Variants in ALK observed in about 807,000 individuals in gnomAD.
ALK encodes the protein ALK receptor tyrosine kinase.
A neutral mutation model predicts 163.1 loss-of-function variants in ALK; 74 were observed. The observed-to-expected ratio is 0.45, with a 90% CI of 0.38 to 0.55. The LOEUF (loss-of-function observed/expected upper bound fraction) is 0.55, where lower values mean the gene tolerates loss of function less well. Among genes scored for constraint, ALK ranks in the 20% least tolerant of loss-of-function variants. The pLI is 0.00. For synonymous variants in ALK, 960 were observed against 843.2 expected, an observed-to-expected ratio of 1.14 and a Z score of -2.40; for missense variants, 2,063 against 2,105.3, an observed-to-expected ratio of 0.98 and a Z score of 0.39.
Position 29,251,151 on chromosome 2 carries a change from G to T in ALK, c.2158C>A (p.Leu720Met), listed in dbSNP as rs774579604. Reference protein sequence around the residue: ...LSVEVGSEGPLKGIQIWKVPA... With the variant: ...LSVEVGSEGPMKGIQIWKVPA... ...ACCTTCCAGATCTGGATGCCTTTCA[G>T]GGGGCCCTCGCTCCCCACCTCCACG... Residue 720 changes from leucine (L) to methionine (M), a missense_variant, in exon 12 of 29, where the codon CTG becomes ATG. Physicochemically the swap from Leu to Met is conservative, Grantham distance 15. Around this residue, in one of 5 missense-constraint regions of ALK, gnomAD observed 987 missense variants for 939.5 expected, o/e 1.05. Transcript: ENST00000389048. 3 of 1,614,010 alleles carry T rather than the reference G, an allele frequency of 1.9e-6. No homozygotes were observed. The African/African-American group carries it at 4.0e-5, about 22-fold the overall frequency.
chr2:29,484,000 C>T (rs1020298748), intron 4 of ALK, among the ~76,000 whole-genome samples: 3 of 152,198 alleles, frequency 2.0e-5, no homozygotes, highest in African/African-American at 4.8e-5. Flanking sequence ...TACATGGTGG[C>T]AGGAAAGAGA....
At chr2:29,352,423 C>T (rs1048359891) in intron 5 of ALK, among the ~76,000 whole-genome samples, 6 of 152,152 alleles carry the variant, frequency 3.9e-5, no homozygotes. Flanking sequence ...CCTGTGTAGG[C>T]CACGGCTTGA....
intron 1 of ALK, among the ~76,000 whole-genome samples, chr2:29,789,905 G>A (rs961607331): frequency 6.6e-6 from 1 of 152,148 alleles, no homozygotes; most frequent in African/African-American, 2.4e-5. Context: ...TCAGTTTCCT[G>A]TTTATTTGTT....
At chr2:29,760,714 T>G in intron 1 of ALK, among the ~76,000 whole-genome samples, 1 of 152,202 alleles carries the variant, frequency 6.6e-6, no homozygotes, top group East Asian at 1.9e-4. Context: ...GACATTATTG[T>G]TGGGATTACT....
chr2:29,911,480 T>C (rs1417092101), intron 1 of ALK, among the ~76,000 whole-genome samples: 1 of 152,210 alleles, frequency 6.6e-6, no homozygotes, highest in Non-Finnish European at 1.5e-5. Flanking sequence ...TCTGCTGTCA[T>C]CTCTCAAGGG....
chr2:29,287,347 T>C (rs1426290542), intron 9 of ALK, among the ~76,000 whole-genome samples: 1 of 152,234 alleles, frequency 6.6e-6, no homozygotes, highest in Non-Finnish European at 1.5e-5. Flanking sequence ...GTCAACATCA[T>C]TCTGCGTTAC....
chr2:29,676,859 AT>A (rs142277825), intron 3 of ALK, among the ~76,000 whole-genome samples: 13,680 of 151,634 alleles, frequency 0.09, 1,226 homozygotes, highest in African/African-American at 0.23. Flanking sequence ...GTTTTGTTAA[AT>A]TTTTTTCTAA....
At chr2:29,495,599 T>C (rs1672004522) in intron 4 of ALK, among the ~76,000 whole-genome samples, 1 of 152,166 alleles carries the variant, frequency 6.6e-6, no homozygotes, top group Non-Finnish European at 1.5e-5. Context: ...AATTATCCAA[T>C]TTGAATGTGC....
chr2:29,714,379 T>C (rs1679189811), intron 2 of ALK, among the ~76,000 whole-genome samples: 1 of 152,142 alleles, frequency 6.6e-6, no homozygotes. Flanking sequence ...TGGGGAGCCT[T>C]CAAAAAGGTA....
rs1677798421 is a variant in ALK at position 29,674,158 on chromosome 2, C to A, written c.952+20692G>T. Among the ~76,000 whole-genome samples, 9 of 151,452 alleles carry A rather than the reference C, an allele frequency of 5.9e-5. No individual in the cohort carries two copies. In the South Asian group the frequency reaches 1.9e-3, roughly 32 times the overall value. On this transcript the variant is annotated intron_variant, in intron 3 of 28. Transcript: ENST00000389048. Reference sequence around the variant, plus strand: ...GACTTCCTCTTTTCCTAATTGAATACCCTTTATTTCCTTCACCTGCCTAAT... The same window carrying A: ...GACTTCCTCTTTTCCTAATTGAATAACCTTTATTTCCTTCACCTGCCTAAT...
At chr2:29,437,240 T>C (rs1670424608) in intron 4 of ALK, among the ~76,000 whole-genome samples, 1 of 152,182 alleles carries the variant, frequency 6.6e-6, no homozygotes, top group Non-Finnish European at 1.5e-5. Flanking sequence ...TTCTTTCTTC[T>C]GTCTCTTAGA....
intron 1 of ALK, among the ~76,000 whole-genome samples, chr2:29,845,871 C>A (rs1665829031): frequency 6.6e-6 from 1 of 152,230 alleles, no homozygotes; most frequent in Non-Finnish European, 1.5e-5. Flanking sequence ...TGACTCTCCA[C>A]AGCACTCTTA....
intron 1 of ALK, among the ~76,000 whole-genome samples, chr2:29,793,125 C>A (rs1664229527): frequency 6.6e-6 from 1 of 152,170 alleles, no homozygotes; most frequent in Non-Finnish European, 1.5e-5. Flanking sequence ...AAACCCTTTG[C>A]TGCCATTTCA....
At chr2:29,669,596 T>G (rs1047692006) in intron 3 of ALK, among the ~76,000 whole-genome samples, 2 of 152,070 alleles carry the variant, frequency 1.3e-5, no homozygotes, top group Non-Finnish European at 2.9e-5. Flanking sequence ...CAATTTACAT[T>G]TAGTGTTATT....
chr2:29,740,318 A>G (rs1680017363), intron 1 of ALK, among the ~76,000 whole-genome samples: 1 of 152,150 alleles, frequency 6.6e-6, no homozygotes, highest in South Asian at 2.1e-4. Flanking sequence ...GGAAGAAAAA[A>G]GGAACGGATG....
At chr2:29,340,473 G>T (rs1573254134) in intron 5 of ALK, among the ~76,000 whole-genome samples, 1 of 152,088 alleles carries the variant, frequency 6.6e-6, no homozygotes, top group Non-Finnish European at 1.5e-5. Context: ...TTAAAGCTAC[G>T]CAGGAGGTCA....
At position 29,193,363 on chromosome 2, in the gene ALK, C is replaced by G. The variant is rs745349865; in HGVS notation, c.4724G>C (p.Arg1575Pro). 9 of 1,614,164 alleles carry G rather than the reference C, an allele frequency of 5.6e-6. No individual in the cohort carries two copies. Among genetic ancestry groups the G allele is most frequent in the Non-Finnish European group, 7.6e-6 (9 of 1,180,026 alleles). The change falls in exon 29 of 29, where the codon CGT becomes CCT. Residue 1575 changes from arginine to proline, a missense_variant. By Grantham distance (103) the Arg-to-Pro change is moderately radical. This residue lies in a region of ALK where 403 missense variants were observed against 366.2 expected (regional missense o/e 1.10). Transcript: ENST00000389048. ...NMKEVPLFRLRHFPCGNVNYG... is the reference protein window; with the variant it reads ...NMKEVPLFRLPHFPCGNVNYG... ...ATTGACATTCCCACAAGGGAAGTGA[C>G]GTAGCCTGAACAGAGGTACCTCCTT...
intron 11 of ALK, among the ~76,000 whole-genome samples, chr2:29,266,465 C>T (rs1037348652): frequency 1.3e-5 from 2 of 152,150 alleles, no homozygotes; most frequent in Non-Finnish European, 2.9e-5. Context: ...TGAATTGGCC[C>T]ATCTTTTTGC....
chr2:29,827,875 A>G (rs111527527), intron 1 of ALK, among the ~76,000 whole-genome samples: 12 of 152,242 alleles, frequency 7.9e-5, no homozygotes, highest in Non-Finnish European at 1.5e-4. Context: ...CCTAAGCCAA[A>G]AGAAGAAAGC....
Sources: gnomAD v4.1 joint callset for allele counts (sites outside exome capture counted in the v4.1 genomes callset) on GRCh38, gnomAD v4.1.1 for gene constraint, gnomAD v4.1.1 regional missense constraint, MANE v1.5 for transcripts, NCBI Gene and HGNC (gene_info 2026-07-23, HGNC 2026-07-21) for gene names.